The following NDUFA5 variants were observed in gnomAD, a reference collection of about 807,000 sequenced individuals.
NDUFA5 encodes the protein NADH:ubiquinone oxidoreductase subunit A5.
NDUFA5 carries 11 observed loss-of-function variants against 19.8 expected under a neutral mutation model. That is an observed-to-expected ratio of 0.56 (90% CI 0.35 to 0.92). The LOEUF is 0.92. Among genes scored for constraint, NDUFA5 ranks in the 40% least tolerant of loss-of-function variants. NDUFA5 has a pLI of 0.01. For missense variants in NDUFA5, 109 were observed against 134.2 expected (o/e 0.81, Z 0.93); for synonymous variants, 47 against 46.8 (o/e 1.00, Z -0.01).
At chr7:123,562,061 A>G (rs144021820), upstream of NDUFA5, among the ~76,000 whole-genome samples, 54 of 152,048 alleles carry the variant, frequency 3.6e-4, no homozygotes, top group African/African-American at 1.1e-3. Context: ...TTACTCCTTG[A>G]CTCGTGGACT....
chr7:123,589,561 A>G, the NDUFA5 span, among the ~76,000 whole-genome samples: 89 of 152,106 alleles, frequency 5.9e-4, no homozygotes, highest in Non-Finnish European at 1.1e-3. Context: ...ATGAGTGAGA[A>G]TATGCTGTGT....
chr7:123,565,797 T>C, the NDUFA5 span, among the ~76,000 whole-genome samples: 2 of 152,092 alleles, frequency 1.3e-5, no homozygotes, highest in East Asian at 3.9e-4. Context: ...CGGGTGGATT[T>C]CCTGAGGTCA....
the NDUFA5 span, among the ~76,000 whole-genome samples, chr7:123,601,122 A>G: frequency 1.3e-5 from 2 of 152,182 alleles, no homozygotes; most frequent in African/African-American, 4.8e-5. Flanking sequence ...GAGTTAATCC[A>G]AGGATAGCTG....
chr7:123,547,989 C>G (rs1000741001), intron 3 of NDUFA5, among the ~76,000 whole-genome samples: 6 of 151,900 alleles, frequency 3.9e-5, no homozygotes, highest in Admixed American at 2.0e-4. Context: ...AGAAAACTAG[C>G]AATATGCCAA....
the NDUFA5 span, among the ~76,000 whole-genome samples, chr7:123,587,570 C>G: frequency 6.6e-6 from 1 of 151,454 alleles, no homozygotes; most frequent in African/African-American, 2.4e-5. Flanking sequence ...GTGAGAACCT[C>G]CAGTACTATA....
chr7:123,594,875 T>TGTGGA, the NDUFA5 span, among the ~76,000 whole-genome samples: 1 of 152,222 alleles, frequency 6.6e-6, no homozygotes, highest in Non-Finnish European at 1.5e-5. Context: ...TTTGTTCAGA[T>TGTGGA]AGGCCCTGCC....
the NDUFA5 span, among the ~76,000 whole-genome samples, chr7:123,590,926 G>C: frequency 0.29 from 44,682 of 151,896 alleles, 6,698 homozygotes; most frequent in East Asian, 0.4. Flanking sequence ...TCTTCCTATC[G>C]ATGAGTATGG....
At chr7:123,565,690 G>A in the NDUFA5 span, among the ~76,000 whole-genome samples, 14 of 152,046 alleles carry the variant, frequency 9.2e-5, no homozygotes, top group African/African-American at 1.2e-4. Flanking sequence ...AGACCAGCCC[G>A]GCCAACATGG....
chr7:123,575,372 C>G, the NDUFA5 span, among the ~76,000 whole-genome samples: 1 of 152,020 alleles, frequency 6.6e-6, no homozygotes, highest in African/African-American at 2.4e-5. Context: ...GTTCATACCT[C>G]TATTATTTTG....
At chr7:123,557,719 C>T in intron 1 of NDUFA5, 56 bp downstream of exon 1, 4 of 1,614,068 alleles carry the variant, frequency 2.5e-6, no homozygotes, top group South Asian at 2.2e-5. Flanking sequence ...GTAGGGCTAT[C>T]GGACTGAGTC....
chr7:123,570,455 T>G, the NDUFA5 span, among the ~76,000 whole-genome samples: 3 of 152,002 alleles, frequency 2.0e-5, no homozygotes, highest in African/African-American at 7.3e-5. Context: ...GGTATAATAT[T>G]CATGTGAGTA....
the NDUFA5 span, among the ~76,000 whole-genome samples, chr7:123,594,381 G>A: frequency 6.6e-5 from 10 of 152,200 alleles, no homozygotes; most frequent in African/African-American, 2.4e-4. Flanking sequence ...GGAATTTTCA[G>A]CCTTTCTGCT....
the NDUFA5 span, among the ~76,000 whole-genome samples, chr7:123,574,080 A>G: frequency 7.9e-5 from 12 of 152,216 alleles, no homozygotes; most frequent in East Asian, 2.3e-3. Context: ...TTTCCACATG[A>G]TTGTTAGCCT....
chr7:123,539,288 C>G lies in NDUFA5; in HGVS notation c.*2831G>C, dbSNP rs1441815825. The stretch of plus-strand genomic sequence containing the variant: ...GTAATTATTTTCACTCAAAATCATT[C>G]CAAGTGGAATGATAAATTATCCTAT... On this transcript the variant is annotated 3_prime_UTR_variant, in exon 5 of 5. Transcript: ENST00000355749. 6.6e-6 allele frequency: 1 copy of G among 152,050 alleles called. No homozygotes were observed. 9.4% of individuals were successfully genotyped at this position (152,050 alleles called of 1,614,324 possible).
the NDUFA5 span, among the ~76,000 whole-genome samples, chr7:123,588,155 A>G: frequency 7.7e-3 from 1,174 of 151,898 alleles, 18 homozygotes; most frequent in African/African-American, 0.027. Context: ...TGAAGGCACT[A>G]GGTTTGGGTT....
the NDUFA5 span, among the ~76,000 whole-genome samples, chr7:123,564,908 C>CAT: frequency 6.6e-6 from 1 of 151,718 alleles, no homozygotes; most frequent in African/African-American, 2.4e-5. Flanking sequence ...CACACACACA[C>CAT]ACACACACAC....
intron 3 of NDUFA5, chr7:123,546,535 TA>T: frequency 2.0e-6 from 1 of 503,148 alleles, no homozygotes; most frequent in Non-Finnish European, 3.1e-6. Context: ...TATTTTCTAG[TA>T]AACTGAGCTT....
chr7:123,559,159 A>C (rs988241007), upstream of NDUFA5, among the ~76,000 whole-genome samples: 2 of 152,098 alleles, frequency 1.3e-5, no homozygotes. Flanking sequence ...ATAAACAGGA[A>C]TAAGAAGGAA....
the NDUFA5 span, among the ~76,000 whole-genome samples, chr7:123,590,667 T>C: frequency 3.9e-5 from 6 of 152,176 alleles, no homozygotes; most frequent in African/African-American, 1.4e-4. Flanking sequence ...TCTGTTCTGT[T>C]CCATTGGTCT....
Sources: gnomAD v4.1 joint callset for allele counts (sites outside exome capture counted in the v4.1 genomes callset) on GRCh38, gnomAD v4.1.1 for gene constraint, MANE v1.5 for transcripts, NCBI Gene and HGNC (gene_info 2026-07-23, HGNC 2026-07-21) for gene names.